Variants in AGGF1 observed in about 807,000 individuals in gnomAD.
AGGF1 encodes the protein angiogenic factor with G-patch and FHA domains 1.
Under a neutral mutation model 86.5 loss-of-function variants are expected in AGGF1, and 56 were observed. The ratio of observed to expected loss-of-function variants is 0.65; its 90% CI spans 0.52 to 0.81. The LOEUF (loss-of-function observed/expected upper bound fraction) is 0.81, where lower values mean the gene tolerates loss of function less well. Among genes scored for constraint, AGGF1 ranks in the 30% least tolerant of loss-of-function variants. The pLI, the probability that AGGF1 is intolerant of heterozygous loss-of-function variation, is 0.00. For missense variants in AGGF1, 816 were observed against 850.9 expected (o/e 0.96, Z 0.51); for synonymous variants, 313 against 297.1 (o/e 1.05, Z -0.55).
At position 77,030,785 on chromosome 5, in the gene AGGF1, TC is replaced by T; in HGVS notation, c.23del (p.Pro8ArgfsTer18). ...GGAGCTCATGGCCTCGGAGGCGCCG[TC>T]CCCGCCGCGGTCGCCGCCGCCGCCC... The part of the protein sequence containing the change: MASEAP[S>X]PPRSPPPPTS... On this transcript the variant is annotated frameshift_variant, in exon 1 of 14. Transcript: ENST00000312916. LOFTEE classifies it high-confidence loss of function. The T allele has an allele frequency of 6.3e-7, 1 of 1,584,820 alleles. No homozygotes were observed.
chr5:77,064,812 G>C lies in AGGF1; in HGVS notation c.*1560G>C, dbSNP rs981594279. 6.6e-6 allele frequency: 1 copy of C among 152,136 alleles called. No individual in the cohort carries two copies. The highest frequency in any genetic ancestry group is 1.5e-5 in the Non-Finnish European group (1 of 68,028). The allele number at this position is 152,136 out of a possible 1,614,324, so 9.4% of individuals were successfully genotyped here. ...TATAGGACCCCTCCAAATAGGTTTT[G>C]CTTCTGGTGAATCTTGGTCATTGGG... On this transcript the variant is annotated 3_prime_UTR_variant, in exon 14 of 14. Transcript: ENST00000312916.
In AGGF1 at chr5:77,059,743, C is replaced by T. The variant is rs142635767; in HGVS notation, c.1844C>T (p.Ser615Phe). The change falls in exon 12 of 14, where the codon TCT (serine) becomes TTT (phenylalanine). Residue 615 changes from serine to phenylalanine, a missense_variant and splice_region_variant. Transcript: ENST00000312916. ...QRDDAPASVH[S>F]EITDSNKGRK... ...GATGATGCTCCTGCATCTGTTCATT[C>T]GTAAGTTTTGAATTACAGTGGCTCG... 53 of 1,613,438 alleles carry T rather than the reference C, an allele frequency of 3.3e-5. No individual in the cohort carries two copies. Among genetic ancestry groups the T allele is most frequent in the Admixed American group, 1.0e-4 (6 of 59,980 alleles).
At chr5:77,036,864 A>C in intron 4 of AGGF1, 144 bp downstream of exon 4, 1 of 898,420 alleles carries the variant, frequency 1.1e-6, no homozygotes, top group Non-Finnish European at 1.7e-6. Flanking sequence ...CAGCATCCCA[A>C]GTAGCTGGGA....
rs1017551139 is a variant in AGGF1, at chr5:77,050,650, G to A, written c.1365+1663G>A. Among the ~76,000 whole-genome samples, 3 of 152,274 alleles carry A rather than the reference G, an allele frequency of 2.0e-5. No individual in the cohort carries two copies. In the East Asian group the frequency reaches 5.8e-4, roughly 29 times the overall value. On this transcript the variant is annotated intron_variant, in intron 8 of 13. Coordinates refer to ENST00000312916, the MANE Select transcript of AGGF1 (RefSeq NM_018046.5). ...GGAAAAAACAAGTATTTGACCACTA[G>A]ATAGAAGACTTTCTGAGTTTAAAAA... is the stretch of plus-strand genomic sequence containing the variant.
chr5:77,050,306 C>CTTTTTTTTTTT (rs10595061), intron 8 of AGGF1, among the ~76,000 whole-genome samples: 14 of 76,568 alleles, frequency 1.8e-4, no homozygotes, highest in African/African-American at 4.0e-4. Flanking sequence ...TTCTTTGTTT[C>CTTTTTTTTTTT]TTTTTTTTTT....
intron 3 of AGGF1, among the ~76,000 whole-genome samples, 196 bp from the exon 4 acceptor site, chr5:77,036,360 C>T (rs1746967022): frequency 6.6e-6 from 1 of 152,160 alleles, no homozygotes; most frequent in Non-Finnish European, 1.5e-5. Flanking sequence ...GCCTTCAAAA[C>T]TGGGTCAAAG....
At chr5:77,053,833 G>A in intron 9 of AGGF1, 132 bp from the exon 10 acceptor site, 1 of 914,928 alleles carries the variant, frequency 1.1e-6, no homozygotes, top group Non-Finnish European at 1.7e-6. Flanking sequence ...GTGTGTATGT[G>A]TATGTGTCTA....
At chr5:77,049,040 A>G (rs1747324748) in intron 8 of AGGF1, 53 bp downstream of exon 8, 2 of 1,540,676 alleles carry the variant, frequency 1.3e-6, no homozygotes, top group African/African-American at 1.4e-5. Flanking sequence ...TTTTTATATT[A>G]TTATTACAGT....
chr5:77,050,148 C>CT (rs1561288928), intron 8 of AGGF1, among the ~76,000 whole-genome samples: 1 of 151,742 alleles, frequency 6.6e-6, no homozygotes, highest in East Asian at 1.9e-4. Context: ...GATTATGTTG[C>CT]TTTTTTACTT....
intron 5 of AGGF1, among the ~76,000 whole-genome samples, chr5:77,043,260 G>C (rs1747160595): frequency 3.0e-5 from 1 of 33,614 alleles, no homozygotes; most frequent in African/African-American, 1.0e-4. Flanking sequence ...GGGGCGGCCG[G>C]GCAGAGGCGC....
intron 1 of AGGF1, among the ~76,000 whole-genome samples, chr5:77,033,828 C>T (rs1475472955): frequency 6.6e-6 from 1 of 152,202 alleles, no homozygotes; most frequent in Non-Finnish European, 1.5e-5. Flanking sequence ...GGCACTTCCA[C>T]ACACTTGTTT....
intron 6 of AGGF1, among the ~76,000 whole-genome samples, chr5:77,046,886 T>C (rs943238222): frequency 5.9e-5 from 9 of 152,224 alleles, no homozygotes; most frequent in African/African-American, 2.2e-4. Context: ...TTCAGAAGGT[T>C]TCATTGTATT....
intron 13 of AGGF1, among the ~76,000 whole-genome samples, chr5:77,062,514 G>A (rs989478388): frequency 2.0e-5 from 3 of 152,144 alleles, no homozygotes; most frequent in Non-Finnish European, 4.4e-5. Flanking sequence ...AAAAAATGGG[G>A]ATAAGAACTC....
chr5:77,055,911 G>A (rs13178703), intron 11 of AGGF1, among the ~76,000 whole-genome samples: 29,276 of 152,074 alleles, frequency 0.19, 2,870 homozygotes, highest in South Asian at 0.24. Flanking sequence ...CAAGAAGATC[G>A]CTTTAGATCA....
intron 11 of AGGF1, among the ~76,000 whole-genome samples, chr5:77,058,815 C>G (rs954299958): frequency 2.6e-5 from 4 of 152,124 alleles, no homozygotes; most frequent in Admixed American, 1.3e-4. Flanking sequence ...TTTGTGCCAC[C>G]ACCACACCTT....
rs1186899777 is a variant in AGGF1 at position 77,065,234 on chromosome 5, A to G, written c.*1982A>G. On this transcript the variant is annotated 3_prime_UTR_variant, in exon 14 of 14. Transcript: ENST00000312916. ...ATAAATTTTTTGTGTCTAATTTTAA[A>G]TATTTGTTTAATCACACTACACATT... 2 of 152,178 alleles carry G rather than the reference A, an allele frequency of 1.3e-5. No individual in the cohort carries two copies. The highest frequency in any genetic ancestry group is 6.5e-5 in the Admixed American group (1 of 15,274). The allele number at this position is 152,178 out of a possible 1,614,324, so 9.4% of individuals were successfully genotyped here. A position where few individuals can be genotyped will look rare whatever the true frequency, so the allele number is the denominator to read the frequency against.
Position 77,044,954 on chromosome 5 carries a change from A to G in AGGF1, c.871-1393A>G, listed in dbSNP as rs183301251. ...GGTGCGCATGCCTGTAGTCCCAGCT[A>G]CTCGGGAGGCTGAGGCAGTAGAATC... is the stretch of plus-strand genomic sequence containing the variant. On this transcript the variant is annotated intron_variant, in intron 5 of 13. Coordinates refer to ENST00000312916, the MANE Select transcript of AGGF1 (RefSeq NM_018046.5). Among the ~76,000 whole-genome samples the G allele has an allele frequency of 1.3e-3, 193 of 152,014 alleles. 1 individual carries two copies. The highest frequency in any genetic ancestry group is 6.8e-3 in the Middle Eastern group (2 of 294).
In AGGF1 at chr5:77,035,623, C is replaced by T. The variant is rs200919215; in HGVS notation, c.396C>T (p.Ile132=). 12 of 1,613,328 alleles carry T rather than the reference C, an allele frequency of 7.4e-6. No individual in the cohort carries two copies. In the East Asian group the frequency reaches 1.1e-4, roughly 15 times the overall value. Residue 132 remains isoleucine, a synonymous_variant, in exon 3 of 14, where the codon ATC becomes ATT. Coordinates refer to ENST00000312916, the MANE Select transcript of AGGF1 (RefSeq NM_018046.5). The part of the protein sequence containing the change: ...TELSDQQDQA[I]ETSILNSKDH... Reference sequence around the variant, plus strand: ...TGTCAGATCAACAAGATCAAGCTATCGAAACTTCTATTTTGAATTCTAAAG... The same window carrying T: ...TGTCAGATCAACAAGATCAAGCTATTGAAACTTCTATTTTGAATTCTAAAG...
chr5:77,046,298 T>G, intron 5 of AGGF1, 49 bp from the exon 6 acceptor site: 2 of 1,441,060 alleles, frequency 1.4e-6, no homozygotes, highest in Non-Finnish European at 2.0e-6. Context: ...GATAGTGATG[T>G]TTAAGAGTAT....
Sources: allele counts gnomAD v4.1 joint callset (sites outside exome capture counted in the v4.1 genomes callset), GRCh38; gene constraint gnomAD v4.1.1; transcripts MANE v1.5; gene names NCBI Gene and HGNC (gene_info 2026-07-23, HGNC 2026-07-21).